STARD13: variants seen among roughly 807,000 people sequenced by gnomAD.
STARD13 encodes the protein StAR related lipid transfer domain containing 13.
Under a neutral mutation model 106.4 loss-of-function variants are expected in STARD13, and 62 were observed. The observed-to-expected ratio is 0.58, with a 90% CI of 0.48 to 0.72. The LOEUF (loss-of-function observed/expected upper bound fraction) is 0.72. STARD13 is among the 30% of genes least tolerant of loss of function. STARD13 has a pLI of 0.00. For synonymous variants in STARD13, 565 were observed against 553.0 expected (o/e 1.02, Z -0.31); for missense variants, 1,387 against 1,424.0 (o/e 0.97, Z 0.42).
At chr13:33,499,600 CTTCTTT>C in the STARD13 span, among the ~76,000 whole-genome samples, 160 of 65,774 alleles carry the variant, frequency 2.4e-3, 2 homozygotes, top group Middle Eastern at 0.027. Flanking sequence ...TCTTCTTCTT[CTTCTTT>C]CTTCTTCTTC....
the STARD13 span, among the ~76,000 whole-genome samples, chr13:33,571,249 C>T: frequency 4.6e-5 from 7 of 152,110 alleles, no homozygotes; most frequent in Admixed American, 1.3e-4. Flanking sequence ...TTTAAGTTGG[C>T]TTGGCAATTA....
At chr13:33,664,762 G>A in the STARD13 span, among the ~76,000 whole-genome samples, 1 of 152,150 alleles carries the variant, frequency 6.6e-6, no homozygotes, top group Non-Finnish European at 1.5e-5. Flanking sequence ...GAGTAGCGGG[G>A]ACTACAGGCC....
chr13:33,310,631 C>T (rs888831313), intron 1 of STARD13, among the ~76,000 whole-genome samples: 1 of 152,020 alleles, frequency 6.6e-6, no homozygotes. Context: ...TTCTTATTCA[C>T]CTTGAATAAA....
chr13:33,219,700 G>A lies in STARD13; in HGVS notation c.170-52078C>T, dbSNP rs576498933. Among the ~76,000 whole-genome samples, 62 of 151,114 alleles carry A rather than the reference G, an allele frequency of 4.1e-4. No homozygotes were observed. The South Asian group carries it at 7.5e-3, about 18-fold the overall frequency. On this transcript the variant is annotated intron_variant, in intron 1 of 13. Coordinates refer to ENST00000336934, the MANE Select transcript of STARD13 (RefSeq NM_178006.4). ...CATGCCTGTAGTCCTAGCTACTTGG[G>A]AGGCCAAGGCAGGAGGATCTTGAGC... is the stretch of plus-strand genomic sequence containing the variant.
the STARD13 span, chr13:33,660,052 C>T: frequency 4.6e-5 from 7 of 152,134 alleles, no homozygotes; most frequent in Non-Finnish European, 8.8e-5. Flanking sequence ...TTGAGAGGTC[C>T]TCAGAGGAAC....
chr13:33,368,690 T>C, the STARD13 span, among the ~76,000 whole-genome samples: 1 of 152,048 alleles, frequency 6.6e-6, no homozygotes, highest in Non-Finnish European at 1.5e-5. Flanking sequence ...TAAATAAGAA[T>C]GTAGACAAGG....
At position 33,297,394 on chromosome 13, in the gene STARD13, C is replaced by T. The variant is rs55695322; in HGVS notation, c.124+52896G>A. ...GCTATCTTTTGTAACAAAAGCTCCT[C>T]ACAATCTTCAATGACCTTAAAACCC... On this transcript the variant is annotated intron_variant, in intron 1 of 5. Transcript: ENST00000567873. Among the ~76,000 whole-genome samples the T allele has an allele frequency of 2.4e-3, 358 of 152,312 alleles. 1 individual carries two copies. The highest frequency in any genetic ancestry group is 3.3e-3 in the Non-Finnish European group (224 of 68,028).
chr13:33,459,713 G>A, the STARD13 span, among the ~76,000 whole-genome samples: 1 of 152,206 alleles, frequency 6.6e-6, no homozygotes, highest in African/African-American at 2.4e-5. Flanking sequence ...TTTGCCTAAA[G>A]GACTTCCTTT....
the STARD13 span, among the ~76,000 whole-genome samples, chr13:33,584,055 G>A: frequency 2.0e-5 from 3 of 152,136 alleles, no homozygotes; most frequent in Non-Finnish European, 2.9e-5. Flanking sequence ...ATTTTCCACA[G>A]TGATTGTACC....
intron 2 of STARD13, among the ~76,000 whole-genome samples, chr13:33,166,260 T>C (rs1345725726): frequency 6.6e-6 from 1 of 152,200 alleles, no homozygotes; most frequent in African/African-American, 2.4e-5. Flanking sequence ...GACTTACAGA[T>C]GGTTCCAGAG....
the STARD13 span, among the ~76,000 whole-genome samples, chr13:33,418,361 T>A: frequency 6.6e-6 from 1 of 152,218 alleles, no homozygotes; most frequent in South Asian, 2.1e-4. Context: ...GAGATCAACC[T>A]GCAAGGCTGC....
the STARD13 span, among the ~76,000 whole-genome samples, chr13:33,492,441 T>A: frequency 6.6e-6 from 1 of 152,150 alleles, no homozygotes; most frequent in African/African-American, 2.4e-5. Flanking sequence ...CCCAGATGGT[T>A]AAGGCATTCT....
the STARD13 span, among the ~76,000 whole-genome samples, chr13:33,507,330 A>T: frequency 6.6e-6 from 1 of 152,164 alleles, no homozygotes; most frequent in Non-Finnish European, 1.5e-5. Flanking sequence ...TTTGTTTTGA[A>T]AATATAGTAA....
rs544839442 is a variant in STARD13 at position 33,216,288 on chromosome 13, G to A, written c.170-48666C>T. On this transcript the variant is annotated intron_variant, in intron 1 of 13. Transcript: ENST00000336934. Reference sequence around the variant, plus strand: ...ATGCATGTTTATAGCAGCAAAATTCGCAATTGCAAAAATGTGGAACCAACC... The same window carrying A: ...ATGCATGTTTATAGCAGCAAAATTCACAATTGCAAAAATGTGGAACCAACC... Among the ~76,000 whole-genome samples, 18 of 152,216 alleles carry A rather than the reference G, an allele frequency of 1.2e-4. No homozygotes were observed. The East Asian group carries it at 2.3e-3, about 20-fold the overall frequency.
At chr13:33,264,786 T>C (rs773641656) in intron 1 of STARD13, among the ~76,000 whole-genome samples, 53 of 152,186 alleles carry the variant, frequency 3.5e-4, no homozygotes, top group Admixed American at 4.6e-4. Flanking sequence ...CTCTAGTTCT[T>C]GCATGCTGGG....
chr13:33,316,451 G>A (rs1594254240), intron 1 of STARD13, among the ~76,000 whole-genome samples: 1 of 152,322 alleles, frequency 6.6e-6, no homozygotes, highest in Non-Finnish European at 1.5e-5. Context: ...ACTTTGTAGT[G>A]TGACTATCAC....
At chr13:33,409,708 C>G in the STARD13 span, among the ~76,000 whole-genome samples, 1 of 152,170 alleles carries the variant, frequency 6.6e-6, no homozygotes, top group Non-Finnish European at 1.5e-5. Context: ...TGGTTATGGG[C>G]AGTGGAAGTT....
intron 1 of STARD13, among the ~76,000 whole-genome samples, chr13:33,171,668 A>C (rs77978739): frequency 6.6e-6 from 1 of 152,214 alleles, no homozygotes; most frequent in African/African-American, 2.4e-5. Flanking sequence ...AAGGAGACCA[A>C]TAGTCATTTG....
rs1389949034 is a variant in STARD13 at position 33,177,839 on chromosome 13, AG to A, written c.170-10218del. Among the ~76,000 whole-genome samples, 25 of 25,570 alleles carry A rather than the reference AG, an allele frequency of 9.8e-4. 1 individual carries two copies. The highest frequency in any genetic ancestry group is 6.6e-3 in the African/African-American group (25 of 3,798). 16.8% of individuals were successfully genotyped at this position (25,570 alleles called of 152,430 possible). ...AAGGAAGGAAGGAAGGAAGGAAGGA[AG>A]GAAAGGAAGGAAGGAAGGAAGGAAG... is the stretch of plus-strand genomic sequence containing the variant. On this transcript the variant is annotated intron_variant, in intron 1 of 13. Coordinates refer to ENST00000336934, the MANE Select transcript of STARD13 (RefSeq NM_178006.4).
Sources: allele counts gnomAD v4.1 joint callset (sites outside exome capture counted in the v4.1 genomes callset), GRCh38; gene constraint gnomAD v4.1.1; transcripts MANE v1.5; gene names NCBI Gene and HGNC (gene_info 2026-07-23, HGNC 2026-07-21).